KLHL29: variants seen among roughly 807,000 people sequenced by gnomAD.
The protein encoded by KLHL29 is kelch like family member 29, also known as kelch-like protein 29.
Under a neutral mutation model 80.4 loss-of-function variants are expected in KLHL29, and 21 were observed. The observed-to-expected ratio is 0.26, with a 90% CI of 0.19 to 0.38. KLHL29 has a LOEUF of 0.38. Among genes scored for constraint, KLHL29 ranks in the 10% least tolerant of loss-of-function variants. The pLI, the probability that KLHL29 is intolerant of heterozygous loss-of-function variation, is 1.00. For missense variants in KLHL29, 867 were observed against 1,223.9 expected, an observed-to-expected ratio of 0.71 and a Z score of 4.35; for synonymous variants, 511 against 526.8, an observed-to-expected ratio of 0.97 and a Z score of 0.41.
At chr2:23,613,700 G>C (rs1199086350) in intron 3 of KLHL29, among the ~76,000 whole-genome samples, 1 of 146,090 alleles carries the variant, frequency 6.8e-6, no homozygotes, top group Non-Finnish European at 1.5e-5. Flanking sequence ...GGAGGTGGAG[G>C]TTGCAGTGAG....
chr2:23,469,966 G>C (rs1233824692), intron 1 of KLHL29, among the ~76,000 whole-genome samples: 1 of 151,156 alleles, frequency 6.6e-6, no homozygotes, highest in African/African-American at 2.4e-5. Flanking sequence ...GCAGGGCTGA[G>C]TTGGGTGAGT....
At chr2:23,538,405 A>G (rs1255930921) in intron 2 of KLHL29, among the ~76,000 whole-genome samples, 1 of 152,138 alleles carries the variant, frequency 6.6e-6, no homozygotes, top group Non-Finnish European at 1.5e-5. Flanking sequence ...CTCCATTCTT[A>G]TTCTGTTTTA....
At chr2:23,553,011 C>A (rs1021739940) in intron 2 of KLHL29, among the ~76,000 whole-genome samples, 1 of 152,100 alleles carries the variant, frequency 6.6e-6, no homozygotes, top group Non-Finnish European at 1.5e-5. Context: ...CCACCCACCT[C>A]GGCCTCCCAA....
chr2:23,544,433 GT>G (rs1186278923), intron 2 of KLHL29, among the ~76,000 whole-genome samples: 3 of 152,192 alleles, frequency 2.0e-5, no homozygotes, highest in Non-Finnish European at 4.4e-5. Flanking sequence ...CTGTGCCTCA[GT>G]TTCCTAATCT....
At chr2:23,600,518 A>G (rs371491715) in intron 3 of KLHL29, among the ~76,000 whole-genome samples, 39 of 152,330 alleles carry the variant, frequency 2.6e-4, no homozygotes, top group African/African-American at 9.1e-4. Context: ...TTCATCTGCC[A>G]GATTCTAGGT....
chr2:23,613,385 A>G (rs553703617), intron 3 of KLHL29, among the ~76,000 whole-genome samples: 12 of 152,346 alleles, frequency 7.9e-5, no homozygotes, highest in East Asian at 3.9e-4. Context: ...AAGATATACT[A>G]TGCATAAAAG....
intron 2 of KLHL29, among the ~76,000 whole-genome samples, chr2:23,543,560 T>G (rs1666901840): frequency 6.6e-6 from 1 of 152,210 alleles, no homozygotes; most frequent in African/African-American, 2.4e-5. Context: ...CCCTCTGAAG[T>G]TACTGATTTC....
chr2:23,602,277 G>T (rs928030810), intron 3 of KLHL29, among the ~76,000 whole-genome samples: 1 of 152,204 alleles, frequency 6.6e-6, no homozygotes, highest in African/African-American at 2.4e-5. Context: ...ATCCGTCCCA[G>T]CACCCCCCTG....
Position 23,700,850 on chromosome 2 carries a change from AC to A in KLHL29, c.2106-2335del, listed in dbSNP as rs1672318523. Reference sequence around the variant, plus strand: ...CTCACCTTCAGGGGCACAGCCACTCACTCGCTGTTGGGACCTTGGCTGCCCT... The same window carrying A: ...CTCACCTTCAGGGGCACAGCCACTCATCGCTGTTGGGACCTTGGCTGCCCT... On this transcript the variant is annotated intron_variant, in intron 11 of 13. Coordinates refer to ENST00000486442, the MANE Select transcript of KLHL29 (RefSeq NM_052920.2). This position sits in a 1 kb window ranked among gnomAD's most constrained non-coding sequence, Gnocchi z 4.6. Among the ~76,000 whole-genome samples the A allele has an allele frequency of 6.6e-6, 1 of 151,874 alleles. No individual in the cohort carries two copies. Among genetic ancestry groups the A allele is most frequent in the Non-Finnish European group, 1.5e-5 (1 of 67,968 alleles).
At chr2:23,444,099 T>G (rs1663608030) in intron 1 of KLHL29, among the ~76,000 whole-genome samples, 1 of 152,210 alleles carries the variant, frequency 6.6e-6, no homozygotes, top group Non-Finnish European at 1.5e-5. Flanking sequence ...GTATTTTTAT[T>G]GTTTCAGGCA....
chr2:23,682,537 G>A lies in KLHL29; in HGVS notation c.941-1862G>A, dbSNP rs1558437600. On this transcript the variant is annotated intron_variant, in intron 5 of 13. Coordinates refer to ENST00000486442, the MANE Select transcript of KLHL29 (RefSeq NM_052920.2). The surrounding 1 kb of genome is among the most constrained non-coding windows in gnomAD (Gnocchi z 4.1). ...CACTTCCTGTCCAGAATCCCCTGTG[G>A]CTCCCTGGTGCCCCAGGATGAAGCT... Among the ~76,000 whole-genome samples the A allele has an allele frequency of 6.6e-6, 1 of 152,174 alleles. No individual in the cohort carries two copies. The highest frequency in any genetic ancestry group is 6.5e-5 in the Admixed American group (1 of 15,282).
At chr2:23,643,757 G>C (rs1351367655) in intron 5 of KLHL29, 1 of 152,288 alleles carries the variant, frequency 6.6e-6, no homozygotes, top group African/African-American at 2.4e-5. Context: ...TGGATGCAGT[G>C]GGGAAGGCTG....
intron 5 of KLHL29, among the ~76,000 whole-genome samples, chr2:23,651,318 T>C (rs2149163848): frequency 6.6e-6 from 1 of 152,334 alleles, no homozygotes; most frequent in South Asian, 2.1e-4. Context: ...GGCAGCCTCT[T>C]GGATGACTAA....
At chr2:23,606,691 G>A (rs1291366448) in intron 3 of KLHL29, among the ~76,000 whole-genome samples, 1 of 152,170 alleles carries the variant, frequency 6.6e-6, no homozygotes, top group Non-Finnish European at 1.5e-5. Flanking sequence ...AAAGCAGAGG[G>A]GAAGAGGAGA....
intron 3 of KLHL29, among the ~76,000 whole-genome samples, chr2:23,598,289 T>C (rs1668479174): frequency 6.6e-6 from 1 of 152,256 alleles, no homozygotes; most frequent in Admixed American, 6.5e-5. Flanking sequence ...GAAGTTCATT[T>C]ACCAAGATCA....
chr2:23,584,604 G>GAGAAAGTGCCTAGACTTACTCTGGGCAC (rs1668070913), intron 3 of KLHL29, among the ~76,000 whole-genome samples: 2 of 152,238 alleles, frequency 1.3e-5, no homozygotes, highest in Admixed American at 1.3e-4. Context: ...GGCAGTGCTG[G>GAGAAAGTGCCTAGACTTACTCTGGGCAC]AGAAAGTGCC....
chr2:23,521,828 G>A (rs1367809071), intron 2 of KLHL29, among the ~76,000 whole-genome samples: 1 of 152,216 alleles, frequency 6.6e-6, no homozygotes, highest in Non-Finnish European at 1.5e-5. Context: ...GGTCTTAGTA[G>A]TATCATTAAT....
intron 3 of KLHL29, among the ~76,000 whole-genome samples, chr2:23,631,530 G>C (rs778678882): frequency 6.6e-6 from 1 of 152,154 alleles, no homozygotes; most frequent in Non-Finnish European, 1.5e-5. Flanking sequence ...ATTATGGCAG[G>C]GCTCTGAAGG....
intron 1 of KLHL29, among the ~76,000 whole-genome samples, chr2:23,420,315 C>T (rs534433365): frequency 1.8e-4 from 28 of 152,226 alleles, no homozygotes; most frequent in Admixed American, 4.6e-4. Context: ...ACACCGATCC[C>T]GTCACTGCTT....
Sources: allele counts gnomAD v4.1 joint callset (sites outside exome capture counted in the v4.1 genomes callset), GRCh38; gene constraint gnomAD v4.1.1; non-coding constraint Gnocchi (gnomAD v3.1); transcripts MANE v1.5; gene names NCBI Gene and HGNC (gene_info 2026-07-23, HGNC 2026-07-21).